The following TAF2 variants were observed in gnomAD, a reference collection of about 807,000 sequenced individuals.
TAF2 encodes the protein transcription initiation factor TFIID subunit 2.
A neutral mutation model predicts 138.5 loss-of-function variants in TAF2; 61 were observed. The observed-to-expected ratio is 0.44, with a 90% CI of 0.36 to 0.54. The LOEUF is 0.54. Ranked by LOEUF, TAF2 falls within the 20% of genes least tolerant of loss-of-function variation. TAF2 has a pLI of 0.00. For synonymous variants in TAF2, 475 were observed against 469.9 expected, an observed-to-expected ratio of 1.01 and a Z score of -0.14; for missense variants, 1,090 against 1,427.9, an observed-to-expected ratio of 0.76 and a Z score of 3.81.
intron 10 of TAF2, among the ~76,000 whole-genome samples, chr8:119,792,137 ATTTC>A (rs1183948849): frequency 1.1e-3 from 159 of 146,544 alleles, no homozygotes; most frequent in African/African-American, 3.5e-3. Context: ...GCCTAGAAGA[ATTTC>A]TTTCTTTCTT....
chr8:119,798,828 T>C (rs558542543), intron 6 of TAF2, among the ~76,000 whole-genome samples: 1 of 152,140 alleles, frequency 6.6e-6, no homozygotes, highest in Non-Finnish European at 1.5e-5. Flanking sequence ...GAGAAAAGCA[T>C]CTATGTATTA....
rs1017599328 is a variant in TAF2 at position 119,731,723 on chromosome 8, G to A, written c.*201C>T. The A allele has an allele frequency of 6.6e-6, 4 of 609,876 alleles. No individual in the cohort carries two copies. Among genetic ancestry groups the A allele is most frequent in the African/African-American group, 1.9e-5 (1 of 53,994 alleles). The allele number at this position is 609,876 out of a possible 1,614,324, so 37.8% of individuals were successfully genotyped here. A position where few individuals can be genotyped will look rare whatever the true frequency, so the allele number is the denominator to read the frequency against. On this transcript the variant is annotated 3_prime_UTR_variant, in exon 26 of 26. Transcript: ENST00000378164. ...AACAGCGGATGAAATAGTTTATCCA[G>A]AACTACAAAACACATTTTCCTAATT...
At chr8:119,803,179 G>A (rs1304198321) in intron 5 of TAF2, among the ~76,000 whole-genome samples, 2 of 152,182 alleles carry the variant, frequency 1.3e-5, no homozygotes, top group East Asian at 3.8e-4. Flanking sequence ...TATGAAAGCA[G>A]GTGAGAGGAG....
intron 4 of TAF2, among the ~76,000 whole-genome samples, chr8:119,805,195 C>T (rs1824536381): frequency 6.6e-6 from 1 of 152,204 alleles, no homozygotes; most frequent in Non-Finnish European, 1.5e-5. Flanking sequence ...AAAAAGTCTG[C>T]AGACTGAGTA....
chr8:119,805,039 C>T lies in TAF2; in HGVS notation c.419-1020G>A, dbSNP rs577274662. On this transcript the variant is annotated intron_variant, in intron 4 of 25. Coordinates refer to ENST00000378164, the MANE Select transcript of TAF2 (RefSeq NM_003184.4). The stretch of plus-strand genomic sequence containing the variant: ...AGTTCCTCCACAAACCCTACCCCGT[C>T]CCCAGCACCCACAACGGAAACCAAT... Among the ~76,000 whole-genome samples the T allele has an allele frequency of 3.0e-4, 45 of 152,272 alleles. No homozygotes were observed. The East Asian group carries it at 5.4e-3, about 18-fold the overall frequency.
intron 2 of TAF2, among the ~76,000 whole-genome samples, chr8:119,821,812 G>A (rs1402352360): frequency 6.6e-6 from 1 of 152,134 alleles, no homozygotes; most frequent in East Asian, 1.9e-4. Flanking sequence ...TGAGGCAGGA[G>A]GACTGCTTGA....
chr8:119,746,448 G>C (rs1445165735), intron 23 of TAF2, among the ~76,000 whole-genome samples: 1 of 148,722 alleles, frequency 6.7e-6, no homozygotes, highest in Non-Finnish European at 1.5e-5. Context: ...CTATGCTCAA[G>C]TATAAAAAAA....
intron 18 of TAF2, among the ~76,000 whole-genome samples, chr8:119,765,272 G>T (rs1821341854): frequency 6.6e-6 from 1 of 151,990 alleles, no homozygotes; most frequent in Non-Finnish European, 1.5e-5. Flanking sequence ...TTCAAGACAA[G>T]AACTATTTTA....
chr8:119,758,106 T>C lies in TAF2; in HGVS notation c.2735A>G (p.Asn912Ser). Reference sequence around the variant, plus strand: ...GGGTACAGGGTCATTCTGAATCATATTAAGTAGCCATTGCAGTTCTTCATA... The same window carrying C: ...GGGTACAGGGTCATTCTGAATCATACTAAGTAGCCATTGCAGTTCTTCATA... ...RSYEELQWLLNMIQNDPVPYV... is the reference protein window; with the variant it reads ...RSYEELQWLLSMIQNDPVPYV... Residue 912 changes from asparagine (N) to serine (S), a missense_variant, in exon 21 of 26, where the codon AAT becomes AGT. Around this residue, in one of 3 missense-constraint regions of TAF2, gnomAD observed 580 missense variants for 719.6 expected, o/e 0.81. Transcript: ENST00000378164. 6.2e-7 allele frequency: 1 copy of C among 1,613,350 alleles called. No homozygotes were observed.
intron 8 of TAF2, 128 bp from the exon 9 acceptor site, chr8:119,795,759 A>C (rs1477015683): frequency 1.2e-5 from 11 of 897,398 alleles, no homozygotes; most frequent in Admixed American, 2.1e-5. Flanking sequence ...AATTATTAAC[A>C]AATTATCAGG....
intron 18 of TAF2, among the ~76,000 whole-genome samples, chr8:119,765,783 C>G (rs1397170849): frequency 6.6e-6 from 1 of 152,140 alleles, no homozygotes; most frequent in African/African-American, 2.4e-5. Context: ...GTTGCAACTG[C>G]TAATGATAGG....
chr8:119,762,504 A>G lies in TAF2; in HGVS notation c.2469T>C (p.Asn823=). The G allele has an allele frequency of 6.2e-7, 1 of 1,614,020 alleles. No homozygotes were observed. Among genetic ancestry groups the G allele is most frequent in the Admixed American group, 1.7e-5 (1 of 60,012 alleles). The change falls in exon 19 of 26, where the codon AAT becomes AAC. Residue 823 remains asparagine (N), a synonymous_variant. Coordinates refer to ENST00000378164, the MANE Select transcript of TAF2 (RefSeq NM_003184.4). ...NNEVRTLDNL[N]PDVRLILEEI... is the part of the protein sequence containing the mutation. Reference sequence around the variant, plus strand: ...CTTCAAGAATGAGTCGCACATCAGGATTTAAGTTATCCAAAGTTCTAACTT... The same window carrying G: ...CTTCAAGAATGAGTCGCACATCAGGGTTTAAGTTATCCAAAGTTCTAACTT...
chr8:119,796,717 A>C (rs1823851159), intron 8 of TAF2, among the ~76,000 whole-genome samples: 1 of 152,126 alleles, frequency 6.6e-6, no homozygotes, highest in Non-Finnish European at 1.5e-5. Flanking sequence ...AAAAGTTAGG[A>C]TAAAACTTAT....
chr8:119,805,935 C>T (rs1186817206), intron 4 of TAF2, among the ~76,000 whole-genome samples: 1 of 150,804 alleles, frequency 6.6e-6, no homozygotes, highest in African/African-American at 2.4e-5. Context: ...GACGGAGTCT[C>T]ACTCTGTTGC....
At chr8:119,817,964 A>G (rs2131252380) in intron 3 of TAF2, among the ~76,000 whole-genome samples, 1 of 152,376 alleles carries the variant, frequency 6.6e-6, no homozygotes, top group Non-Finnish European at 1.5e-5. Context: ...TTTAAAAGCA[A>G]TGTAATTTCA....
At chr8:119,737,849 T>A (rs1819333816) in intron 25 of TAF2, among the ~76,000 whole-genome samples, 1 of 150,878 alleles carries the variant, frequency 6.6e-6, no homozygotes, top group Admixed American at 6.6e-5. Context: ...AATCTGGCAA[T>A]ACCATGAAAG....
intron 18 of TAF2, among the ~76,000 whole-genome samples, chr8:119,764,783 T>C (rs1025662208): frequency 4.6e-5 from 7 of 152,116 alleles, no homozygotes; most frequent in African/African-American, 1.2e-4. Context: ...GTATAAAACA[T>C]CTTCCTCTTC....
chr8:119,793,623 C>G (rs1056176576), intron 9 of TAF2, among the ~76,000 whole-genome samples, 172 bp from the exon 10 acceptor site: 3 of 152,266 alleles, frequency 2.0e-5, no homozygotes, highest in East Asian at 1.9e-4. Context: ...AATAAAGCAG[C>G]CTACACAGCT....
At chr8:119,796,804 C>T (rs565532114) in intron 8 of TAF2, among the ~76,000 whole-genome samples, 186 bp downstream of exon 8, 2 of 151,194 alleles carry the variant, frequency 1.3e-5, no homozygotes, top group South Asian at 4.2e-4. Context: ...ATATAAGTGA[C>T]TATATTGATT....
Sources: allele counts gnomAD v4.1 joint callset (sites outside exome capture counted in the v4.1 genomes callset), GRCh38; gene constraint gnomAD v4.1.1; regional missense constraint gnomAD v4.1.1; transcripts MANE v1.5; gene names NCBI Gene and HGNC (gene_info 2026-07-23, HGNC 2026-07-21).